The following KLHL5 variants were observed in gnomAD, a reference collection of about 807,000 sequenced individuals.
KLHL5 encodes the protein kelch like family member 5.
KLHL5 carries 48 observed loss-of-function variants against 77.7 expected under a neutral mutation model. The ratio of observed to expected loss-of-function variants is 0.62; its 90% CI spans 0.49 to 0.79. The LOEUF (loss-of-function observed/expected upper bound fraction) is 0.79, where lower values mean the gene tolerates loss of function less well. Ranked by LOEUF, KLHL5 falls within the 30% of genes least tolerant of loss-of-function variation. The pLI, the probability that KLHL5 is intolerant of heterozygous loss-of-function variation, is 0.00. For synonymous variants in KLHL5, 260 were observed against 297.0 expected, an observed-to-expected ratio of 0.88 and a Z score of 1.28; for missense variants, 723 against 859.7, an observed-to-expected ratio of 0.84 and a Z score of 1.99.
At chr4:39,048,192 G>T (rs1436021821) in intron 1 of KLHL5, among the ~76,000 whole-genome samples, 3 of 152,208 alleles carry the variant, frequency 2.0e-5, no homozygotes, top group African/African-American at 7.2e-5. Context: ...TGGTTCCAGA[G>T]TTCGAGATGG....
intron 10 of KLHL5, among the ~76,000 whole-genome samples, chr4:39,117,144 T>G (rs1331297040): frequency 6.6e-6 from 1 of 152,022 alleles, no homozygotes; most frequent in Non-Finnish European, 1.5e-5. Context: ...CCCCAAAATT[T>G]TGAAAAATTA....
intron 10 of KLHL5, chr4:39,115,689 T>C: frequency 8.1e-7 from 1 of 1,241,200 alleles, no homozygotes; most frequent in African/African-American, 1.6e-5. Context: ...TTGAACAACT[T>C]GCCCATGTGT....
At chr4:39,126,252 A>G (rs1027142481), downstream of KLHL5, among the ~76,000 whole-genome samples, 1 of 152,234 alleles carries the variant, frequency 6.6e-6, no homozygotes, top group Non-Finnish European at 1.5e-5. Flanking sequence ...TACTCATGTA[A>G]TATTTTTTAT....
intron 1 of KLHL5, among the ~76,000 whole-genome samples, chr4:39,064,584 T>C (rs1003656128): frequency 6.6e-6 from 1 of 152,178 alleles, no homozygotes; most frequent in Non-Finnish European, 1.5e-5. Context: ...CTGGAGAAAT[T>C]ATAATGTGAA....
Position 39,076,052 on chromosome 4 carries a change from C to T in KLHL5, c.471C>T (p.Ala157=), listed in dbSNP as rs183165327. The T allele has an allele frequency of 3.1e-6, 5 of 1,608,914 alleles. No homozygotes were observed. In the East Asian group the frequency reaches 6.7e-5, roughly 22 times the overall value. Residue 157 remains alanine (A), a synonymous_variant, in exon 2 of 11, where the codon GCC becomes GCT. Transcript: ENST00000504108. ...AATTTTTCCAAGCCCTTAATCATGC[C>T]GAGCAAACATTTAAAAAAATGGAAA... ...SDEFFQALNH[A]EQTFKKMENY...
intron 1 of KLHL5, among the ~76,000 whole-genome samples, chr4:39,056,504 C>A (rs1425306345): frequency 1.3e-5 from 2 of 152,198 alleles, no homozygotes; most frequent in Non-Finnish European, 2.9e-5. Context: ...TGCTAGAAAT[C>A]TTAGTTTTGA....
intron 9 of KLHL5, 62 bp downstream of exon 9, chr4:39,113,294 A>G (rs141265126): frequency 3.0e-6 from 4 of 1,344,302 alleles, no homozygotes; most frequent in South Asian, 1.3e-5. Flanking sequence ...TGATACTTAC[A>G]TATATTTGGA....
In KLHL5 at chr4:39,091,004, T is replaced by G. The variant is rs1052066432; in HGVS notation, c.1113+4277T>G. 2.0e-3 allele frequency among the ~76,000 whole-genome samples: 296 copies of G among 148,684 alleles called. 1 individual carries two copies. The highest frequency in any genetic ancestry group is 7.1e-3 in the African/African-American group (288 of 40,324). On this transcript the variant is annotated intron_variant, in intron 5 of 10. Transcript: ENST00000504108. ...TTTTTAATTTTTTTTTTTTTTTTTT[T>G]TAAGACAGAGTCTCACTCTGTTGCA...
At chr4:39,134,804 C>T in the KLHL5 span, among the ~76,000 whole-genome samples, 1 of 152,152 alleles carries the variant, frequency 6.6e-6, no homozygotes, top group African/African-American at 2.4e-5. Context: ...AGGGCTGTTG[C>T]TGTCAATAAA....
chr4:39,064,347 A>G (rs989006180), intron 1 of KLHL5, among the ~76,000 whole-genome samples: 15 of 152,260 alleles, frequency 9.9e-5, no homozygotes, highest in African/African-American at 2.2e-4. Context: ...TTGGAGATCA[A>G]TTGAGCTAAT....
At chr4:39,053,732 G>A (rs1221388786) in intron 1 of KLHL5, among the ~76,000 whole-genome samples, 5 of 152,162 alleles carry the variant, frequency 3.3e-5, no homozygotes, top group African/African-American at 9.7e-5. Context: ...AGTATCAGCT[G>A]TAATAACTTT....
At position 39,062,964 on chromosome 4, in the gene KLHL5, T is replaced by C. The variant is rs750804038; in HGVS notation, c.312T>C (p.His104=). 18 of 1,614,172 alleles carry C rather than the reference T, an allele frequency of 1.1e-5. No individual in the cohort carries two copies. Among genetic ancestry groups the C allele is most frequent in the Middle Eastern group, 1.6e-4 (1 of 6,062 alleles). The part of the protein sequence containing the change: ...EFTAEDCGGA[H]WLDRPEVDDG... ...CAGCAGAAGATTGTGGCGGTGCACATTGGCTGGATAGACCAGAAGTGGATG... is the reference window on the plus strand; with the variant it reads ...CAGCAGAAGATTGTGGCGGTGCACACTGGCTGGATAGACCAGAAGTGGATG... The change falls in exon 1 of 11, where the codon CAT becomes CAC. Residue 104 remains histidine (H), a synonymous_variant. Coordinates refer to ENST00000504108, the MANE Select transcript of KLHL5 (RefSeq NM_015990.5).
At chr4:39,061,035 G>C (rs754170346), upstream of KLHL5, among the ~76,000 whole-genome samples, 20 of 152,020 alleles carry the variant, frequency 1.3e-4, no homozygotes, top group Non-Finnish European at 1.2e-4. Flanking sequence ...TTTTTCTGTA[G>C]AAATCTATCA....
At chr4:39,096,645 A>G (rs376319924) in intron 5 of KLHL5, 47 bp from the exon 6 acceptor site, 1 of 1,311,764 alleles carries the variant, frequency 7.6e-7, no homozygotes, top group African/African-American at 1.5e-5. Flanking sequence ...TGTAAACCCT[A>G]CCATTTTCTT....
At chr4:39,091,695 G>T in intron 5 of KLHL5, among the ~76,000 whole-genome samples, 1 of 148,692 alleles carries the variant, frequency 6.7e-6, no homozygotes, top group African/African-American at 2.5e-5. Context: ...TTTTTGGACA[G>T]GGTCTCACTC....
chr4:39,142,781 T>A, the KLHL5 span, among the ~76,000 whole-genome samples: 1 of 147,552 alleles, frequency 6.8e-6, no homozygotes, highest in Admixed American at 6.7e-5. Flanking sequence ...GAAATTATGC[T>A]GAGTGAAAAA....
chr4:39,099,984 T>C (rs771882106), intron 6 of KLHL5, among the ~76,000 whole-genome samples: 3 of 152,178 alleles, frequency 2.0e-5, no homozygotes, highest in Non-Finnish European at 4.4e-5. Context: ...CTCCCTCTTT[T>C]TCTCTCCTTT....
chr4:39,089,500 C>T (rs753885825), intron 5 of KLHL5, among the ~76,000 whole-genome samples: 45 of 151,992 alleles, frequency 3.0e-4, no homozygotes, highest in Non-Finnish European at 4.1e-4. Flanking sequence ...TGACACTGGC[C>T]AAGGAGTACA....
Position 39,045,240 on chromosome 4 carries a change from C to T in KLHL5, c.-95+144C>T. ...ACGCTGCCCCTCCCGGAGGCGGCTGCGAGGCCCTCGGGTCCGGAGGGGCTG... is the reference window on the plus strand; with the variant it reads ...ACGCTGCCCCTCCCGGAGGCGGCTGTGAGGCCCTCGGGTCCGGAGGGGCTG... On this transcript the variant is annotated intron_variant, in intron 1 of 11. Transcript: ENST00000261425. The T allele has an allele frequency of 3.3e-6, 3 of 900,014 alleles. No homozygotes were observed. The South Asian group carries it at 1.5e-4, about 46-fold the overall frequency. The allele number at this position is 900,014 out of a possible 1,614,324, so 55.8% of individuals were successfully genotyped here. A position where few individuals can be genotyped will look rare whatever the true frequency, so the allele number is the denominator to read the frequency against.
Sources: allele counts gnomAD v4.1 joint callset (sites outside exome capture counted in the v4.1 genomes callset), GRCh38; gene constraint gnomAD v4.1.1; transcripts MANE v1.5; gene names NCBI Gene and HGNC (gene_info 2026-07-23, HGNC 2026-07-21).